Variants in ZNF280C observed in about 807,000 individuals in gnomAD.
ZNF280C encodes the protein suppressor of hairy wing homolog 3.
In ZNF280C, 14 loss-of-function variants were observed where a neutral mutation model predicts 53.6. The observed-to-expected ratio is 0.26, with a 90% CI of 0.17 to 0.41. ZNF280C has a LOEUF of 0.41. Ranked by LOEUF, ZNF280C falls within the 10% of genes least tolerant of loss-of-function variation. ZNF280C has a pLI of 1.00. For missense variants in ZNF280C, 416 were observed against 547.1 expected (o/e 0.76, Z 2.39); for synonymous variants, 203 against 181.1 (o/e 1.12, Z -0.97).
chrX:130,251,495 G>A (rs1217685604), intron 2 of ZNF280C, among the ~76,000 whole-genome samples: 1 of 110,655 alleles, frequency 9.0e-6, no homozygotes, highest in African/African-American at 3.3e-5. Context: ...AACAGCCAGA[G>A]TAGCGCAGGA....
At position 130,227,802 on chromosome X, in the gene ZNF280C, C is replaced by A. The variant is rs368058675; in HGVS notation, c.1148-20G>T. 1.6e-4 allele frequency: 140 copies of A among 883,551 alleles called. No individual in the cohort carries two copies. Among genetic ancestry groups the A allele is most frequent in the Non-Finnish European group, 2.3e-4 (139 of 605,943 alleles). The allele number at this position is 883,551 out of a possible 1,213,427, so 72.8% of individuals were successfully genotyped here. A position where few individuals can be genotyped will look rare whatever the true frequency, so the allele number is the denominator to read the frequency against. On this transcript the variant is annotated intron_variant, in intron 10 of 18. Coordinates refer to ENST00000370978, the MANE Select transcript of ZNF280C (RefSeq NM_017666.5). ...AAATAGCTGAAAGTGGAAAAAAACA[C>A]ATTATACCATTTAAGGATGTATATA...
intron 16 of ZNF280C, among the ~76,000 whole-genome samples, chrX:130,208,683 T>A (rs1221225913): frequency 9.1e-6 from 1 of 109,842 alleles, no homozygotes; most frequent in Non-Finnish European, 1.9e-5. Context: ...ATTCAATGCT[T>A]TAAAAATAGC....
At chrX:130,251,386 A>G (rs1327119229) in intron 2 of ZNF280C, among the ~76,000 whole-genome samples, 2 of 109,581 alleles carry the variant, frequency 1.8e-5, no homozygotes, top group East Asian at 2.8e-4. Context: ...GAGACTTAAG[A>G]AGGAGGACAA....
chrX:130,207,873 C>CGT (rs1429301730), intron 16 of ZNF280C, among the ~76,000 whole-genome samples: 1 of 111,445 alleles, frequency 9.0e-6, no homozygotes, highest in Admixed American at 9.6e-5. Flanking sequence ...GTATCTCTCA[C>CGT]TGCACTTACT....
intron 5 of ZNF280C, 51 bp downstream of exon 5, chrX:130,243,512 A>C (rs770082841): frequency 8.6e-7 from 1 of 1,156,906 alleles, no homozygotes; most frequent in African/African-American, 1.8e-5. Flanking sequence ...ACTCAGTATT[A>C]TAATAGCCAA....
intron 1 of ZNF280C, among the ~76,000 whole-genome samples, chrX:130,260,716 C>T (rs936567649): frequency 9.0e-6 from 1 of 111,587 alleles, no homozygotes; most frequent in African/African-American, 3.3e-5. Context: ...CTACAAAAGC[C>T]CACCTTTTGA....
chrX:130,267,351 G>A (rs1357623056), intron 1 of ZNF280C, among the ~76,000 whole-genome samples: 1 of 111,688 alleles, frequency 9.0e-6, no homozygotes, highest in Non-Finnish European at 1.9e-5. Context: ...AAACTTTTAA[G>A]TGAGCCTCCT....
In ZNF280C at chrX:130,232,983, A is replaced by G. The variant is rs144990168; in HGVS notation, c.772-2256T>C. Among the ~76,000 whole-genome samples the G allele has an allele frequency of 8.0e-3, 898 of 111,756 alleles. 11 individuals carry two copies. The highest frequency in any genetic ancestry group is 0.028 in the African/African-American group (848 of 30,698). On this transcript the variant is annotated intron_variant, in intron 8 of 18. Transcript: ENST00000370978. ...CAAATGGATGAGGAGGATGTGGTAT[A>G]TATATATACACACACACACACAAAT... is the stretch of plus-strand genomic sequence containing the variant.
intron 2 of ZNF280C, among the ~76,000 whole-genome samples, chrX:130,255,739 G>C (rs1005536037): frequency 9.0e-6 from 1 of 111,631 alleles, no homozygotes; most frequent in Non-Finnish European, 1.9e-5. Context: ...TGGATCACTT[G>C]AGGCCAGGAG....
intron 5 of ZNF280C, among the ~76,000 whole-genome samples, chrX:130,242,585 G>T (rs1333292340): frequency 8.9e-6 from 1 of 112,132 alleles, no homozygotes; most frequent in Non-Finnish European, 1.9e-5. Flanking sequence ...TGTTGCCTGG[G>T]TTGGAGTGCA....
chrX:130,221,455 T>C (rs1206293214), intron 12 of ZNF280C, among the ~76,000 whole-genome samples: 1 of 111,781 alleles, frequency 8.9e-6, no homozygotes, highest in Non-Finnish European at 1.9e-5. Flanking sequence ...TGATGTCTAA[T>C]AGGTATTTCA....
chrX:130,254,303 T>C (rs1028130439), intron 2 of ZNF280C, among the ~76,000 whole-genome samples: 2 of 111,969 alleles, frequency 1.8e-5, no homozygotes, highest in Admixed American at 9.4e-5. Context: ...TTATACACTG[T>C]TGGTGGGAGT....
At position 130,239,200 on chromosome X, in the gene ZNF280C, C is replaced by T. The variant is rs139877497; in HGVS notation, c.493+382G>A. Among the ~76,000 whole-genome samples the T allele has an allele frequency of 3.8e-4, 42 of 111,677 alleles. No individual in the cohort carries two copies. The East Asian group carries it at 9.4e-3, about 25-fold the overall frequency. On this transcript the variant is annotated intron_variant, in intron 6 of 18. Coordinates refer to ENST00000370978, the MANE Select transcript of ZNF280C (RefSeq NM_017666.5). ...AGACATTAGCATATTGAGAAATCAA[C>T]TATAACCATGCACGTTTTCTCATAT...
chrX:130,244,003 C>T, intron 3 of ZNF280C, 138 bp from the exon 4 acceptor site: 2 of 358,109 alleles, frequency 5.6e-6, no homozygotes, highest in Admixed American at 5.5e-5. Flanking sequence ...GGGTTGTGTA[C>T]AGATTCTGAT....
chrX:130,253,018 CAT>C (rs1276728384), intron 2 of ZNF280C, among the ~76,000 whole-genome samples: 2 of 111,778 alleles, frequency 1.8e-5, no homozygotes, highest in Non-Finnish European at 3.8e-5. Context: ...TAGAAAACCC[CAT>C]AGTCTCTGCC....
chrX:130,257,928 G>A (rs2032592297), intron 2 of ZNF280C, among the ~76,000 whole-genome samples: 1 of 111,663 alleles, frequency 9.0e-6, no homozygotes, highest in Admixed American at 9.5e-5. Context: ...GGCCAACATG[G>A]TGAAATCTCG....
chrX:130,239,230 T>C (rs1170636086), intron 6 of ZNF280C, among the ~76,000 whole-genome samples: 2 of 111,650 alleles, frequency 1.8e-5, no homozygotes, highest in Non-Finnish European at 3.8e-5. Context: ...TCATATTAAG[T>C]GTCTTCCAAA....
At chrX:130,212,481 AAAGT>A (rs926950308) in intron 15 of ZNF280C, among the ~76,000 whole-genome samples, 2 of 110,796 alleles carry the variant, frequency 1.8e-5, no homozygotes, top group Non-Finnish European at 3.8e-5. Flanking sequence ...AAGAGTTCCA[AAAGT>A]AAGTGATCAA....
intron 2 of ZNF280C, among the ~76,000 whole-genome samples, chrX:130,257,574 G>T (rs1207421973): frequency 1.8e-5 from 2 of 110,957 alleles, no homozygotes; most frequent in Non-Finnish European, 3.8e-5. Context: ...GAGAAACGTG[G>T]AATTATTAGA....
Sources: allele counts gnomAD v4.1 joint callset (sites outside exome capture counted in the v4.1 genomes callset), GRCh38; gene constraint gnomAD v4.1.1; transcripts MANE v1.5; gene names NCBI Gene and HGNC (gene_info 2026-07-23, HGNC 2026-07-21).